Variants in NAALADL2 observed in about 807,000 individuals in gnomAD.
The protein encoded by NAALADL2 is inactive N-acetylated-alpha-linked acidic dipeptidase-like protein 2.
NAALADL2 carries 76 observed loss-of-function variants against 87.2 expected under a neutral mutation model. That is an observed-to-expected ratio of 0.87 (90% confidence interval 0.72 to 1.05). The LOEUF is 1.05. Among genes scored for constraint, NAALADL2 ranks in the 50% least tolerant of loss-of-function variants. The pLI, the probability that NAALADL2 is intolerant of heterozygous loss-of-function variation, is 0.00. For synonymous variants in NAALADL2, 354 were observed against 331.0 expected (o/e 1.07, Z -0.75); for missense variants, 1,089 against 945.8 (o/e 1.15, Z -1.99).
chr3:174,981,145 G>T (rs2108652461), intron 1 of NAALADL2, among the ~76,000 whole-genome samples: 1 of 151,886 alleles, frequency 6.6e-6, no homozygotes, highest in East Asian at 1.9e-4. Context: ...CCTACTCGTT[G>T]AGACTACACA....
chr3:174,792,930 T>A (rs938949240), intron 3 of NAALADL2, among the ~76,000 whole-genome samples: 3 of 152,192 alleles, frequency 2.0e-5, no homozygotes, highest in African/African-American at 7.2e-5. Flanking sequence ...TTTGGCAGTA[T>A]ACTTTTTTTC....
At chr3:174,833,481 A>G (rs1305282537) in intron 3 of NAALADL2, among the ~76,000 whole-genome samples, 1 of 152,168 alleles carries the variant, frequency 6.6e-6, no homozygotes, top group African/African-American at 2.4e-5. Context: ...CATACATTTA[A>G]GGATGAAATA....
intron 1 of NAALADL2, among the ~76,000 whole-genome samples, chr3:175,020,001 C>G (rs980258426): frequency 1.3e-5 from 2 of 151,974 alleles, no homozygotes; most frequent in African/African-American, 4.8e-5. Flanking sequence ...CATTTTTTGA[C>G]TGAATCCCAG....
intron 2 of NAALADL2, among the ~76,000 whole-genome samples, chr3:174,684,701 AC>A (rs556040395): frequency 6.1e-4 from 93 of 152,248 alleles, no homozygotes; most frequent in African/African-American, 2.2e-3. Context: ...ATGACATAGG[AC>A]AGGCAGTTTT....
At chr3:174,749,557 C>G (rs1200612383) in intron 3 of NAALADL2, among the ~76,000 whole-genome samples, 3 of 151,268 alleles carry the variant, frequency 2.0e-5, no homozygotes, top group Non-Finnish European at 4.4e-5. Flanking sequence ...CCATTTGAAG[C>G]TAAGTATAAT....
intron 5 of NAALADL2, among the ~76,000 whole-genome samples, chr3:175,339,562 A>C (rs1762371961): frequency 6.6e-6 from 1 of 152,210 alleles, no homozygotes; most frequent in Admixed American, 6.5e-5. Context: ...CTAGCTTGAT[A>C]ATGAGGACAT....
chr3:175,080,034 C>G (rs948764151), intron 1 of NAALADL2, among the ~76,000 whole-genome samples: 1 of 151,410 alleles, frequency 6.6e-6, no homozygotes, highest in Non-Finnish European at 1.5e-5. Context: ...GGAGCGATCT[C>G]GGCTCACTGC....
At chr3:175,680,284 T>C (rs1735412150) in intron 11 of NAALADL2, among the ~76,000 whole-genome samples, 1 of 152,236 alleles carries the variant, frequency 6.6e-6, no homozygotes, top group Non-Finnish European at 1.5e-5. Context: ...AGATTTTGTT[T>C]CCTATTTGGG....
At chr3:175,717,187 C>T (rs1034152802) in intron 11 of NAALADL2, among the ~76,000 whole-genome samples, 12 of 152,098 alleles carry the variant, frequency 7.9e-5, no homozygotes, top group African/African-American at 2.7e-4. Flanking sequence ...TGCCTCCTGC[C>T]GTAGTCTCCC....
chr3:175,472,933 T>C (rs1031182979), intron 9 of NAALADL2, among the ~76,000 whole-genome samples: 3 of 152,128 alleles, frequency 2.0e-5, no homozygotes, highest in Non-Finnish European at 4.4e-5. Flanking sequence ...ATTTAAGATA[T>C]TTCTGAATGA....
intron 8 of NAALADL2, among the ~76,000 whole-genome samples, chr3:175,468,323 G>A (rs1476064125): frequency 6.6e-6 from 1 of 152,004 alleles, no homozygotes; most frequent in African/African-American, 2.4e-5. Flanking sequence ...TACTTCAAAT[G>A]AAAAAATTCC....
chr3:174,782,596 G>A (rs1460026608), intron 3 of NAALADL2, among the ~76,000 whole-genome samples: 1 of 151,852 alleles, frequency 6.6e-6, no homozygotes, highest in Non-Finnish European at 1.5e-5. Flanking sequence ...CCGTTCTGAC[G>A]CTGCTGTGAA....
intron 2 of NAALADL2, among the ~76,000 whole-genome samples, chr3:175,128,020 A>G (rs561893707): frequency 6.6e-6 from 1 of 152,320 alleles, no homozygotes; most frequent in African/African-American, 2.4e-5. Flanking sequence ...ATTTGCATTT[A>G]TAATTATACA....
intron 2 of NAALADL2, among the ~76,000 whole-genome samples, chr3:174,717,347 T>A (rs1001000557): frequency 5.9e-5 from 9 of 152,154 alleles, no homozygotes; most frequent in Non-Finnish European, 1.2e-4. Flanking sequence ...ACCAGAGACT[T>A]TCAGTTTGTC....
intron 11 of NAALADL2, among the ~76,000 whole-genome samples, chr3:175,719,218 T>G (rs1217393891): frequency 1.4e-5 from 2 of 145,650 alleles, no homozygotes; most frequent in Admixed American, 6.8e-5. Context: ...GGGATGGGGG[T>G]TACAAAAAAA....
intron 11 of NAALADL2, among the ~76,000 whole-genome samples, chr3:175,654,843 C>T (rs888763094): frequency 4.6e-5 from 7 of 152,114 alleles, no homozygotes; most frequent in Non-Finnish European, 8.8e-5. Flanking sequence ...CTAGCATTAC[C>T]AGGGAACCTG....
At chr3:175,602,606 C>T (rs1384941537) in intron 10 of NAALADL2, among the ~76,000 whole-genome samples, 1 of 151,994 alleles carries the variant, frequency 6.6e-6, no homozygotes, top group African/African-American at 2.4e-5. Context: ...CCTGGGAAGA[C>T]TGGAAATGAT....
chr3:174,740,156 G>A (rs1329148712), intron 3 of NAALADL2, among the ~76,000 whole-genome samples: 2 of 151,850 alleles, frequency 1.3e-5, no homozygotes, highest in East Asian at 1.9e-4. Flanking sequence ...GGACATGTAA[G>A]CAACAAACCT....
At chr3:174,793,800 CCA>C (rs1173247523) in intron 3 of NAALADL2, among the ~76,000 whole-genome samples, 1 of 151,260 alleles carries the variant, frequency 6.6e-6, no homozygotes, top group East Asian at 1.9e-4. Flanking sequence ...ATGTTAGTCC[CCA>C]GTTTCTTTTT....
Sources: gnomAD v4.1 joint callset for allele counts (sites outside exome capture counted in the v4.1 genomes callset) on GRCh38, gnomAD v4.1.1 for gene constraint, MANE v1.5 for transcripts, NCBI Gene and HGNC (gene_info 2026-07-23, HGNC 2026-07-21) for gene names.